Variants in TPD52L1 observed in about 807,000 individuals in gnomAD.
TPD52L1 encodes TPD52 like 1.
TPD52L1 carries 18 observed loss-of-function variants against 28.7 expected under a neutral mutation model. The observed-to-expected ratio is 0.63, with a 90% CI of 0.43 to 0.93. The LOEUF (loss-of-function observed/expected upper bound fraction) is 0.93. Ranked by LOEUF, TPD52L1 falls within the 40% of genes least tolerant of loss-of-function variation. The pLI is 0.00. For missense variants in TPD52L1, 203 were observed against 254.8 expected (o/e 0.80, Z 1.39); for synonymous variants, 75 against 88.8 (o/e 0.84, Z 0.88).
rs116465448 is a variant in TPD52L1, at chr6:125,264,187, G to T, written c.*1225G>T. The T allele has an allele frequency of 1.3e-5, 2 of 151,818 alleles. No homozygotes were observed. The highest frequency in any genetic ancestry group is 4.8e-5 in the African/African-American group (2 of 41,262). The allele number at this position is 151,818 out of a possible 1,614,324, so 9.4% of individuals were successfully genotyped here. ...GTATCTCTTTTCTTTTTCTAAATGG[G>T]AACATATATTTGTTATTAGGTGGCA... On this transcript the variant is annotated 3_prime_UTR_variant, in exon 7 of 7. Transcript: ENST00000534000.
chr6:125,175,188 T>C lies in TPD52L1; in HGVS notation c.19+21218T>C, dbSNP rs1013997299. On this transcript the variant is annotated intron_variant, in intron 1 of 6. Transcript: ENST00000534000. ...TGTTTTCTTTATTGCCGTATCCCCATATCTAAAACAATGACTGTTCATGGA... is the reference window on the plus strand; with the variant it reads ...TGTTTTCTTTATTGCCGTATCCCCACATCTAAAACAATGACTGTTCATGGA... Among the ~76,000 whole-genome samples the C allele has an allele frequency of 6.6e-5, 10 of 152,240 alleles. No homozygotes were observed. In the South Asian group the frequency reaches 1.9e-3, roughly 28 times the overall value.
chr6:125,200,751 A>G (rs1369363671), intron 1 of TPD52L1, among the ~76,000 whole-genome samples: 2 of 152,216 alleles, frequency 1.3e-5, no homozygotes, highest in African/African-American at 4.8e-5. Flanking sequence ...ACAATATACA[A>G]TGAAAATTCC....
chr6:125,164,184 A>G (rs1306739958), intron 1 of TPD52L1, among the ~76,000 whole-genome samples: 1 of 152,078 alleles, frequency 6.6e-6, no homozygotes, highest in African/African-American at 2.4e-5. Flanking sequence ...GTTTTGCTTT[A>G]TTTTCTATAT....
intron 3 of TPD52L1, among the ~76,000 whole-genome samples, chr6:125,242,852 T>C (rs868152844): frequency 6.6e-6 from 1 of 152,052 alleles, no homozygotes; most frequent in African/African-American, 2.4e-5. Flanking sequence ...GCCTAAATAC[T>C]GTTTTGTTTT....
chr6:125,208,815 G>A (rs1794327417), intron 1 of TPD52L1: 1 of 651,854 alleles, frequency 1.5e-6, no homozygotes, highest in Non-Finnish European at 1.9e-6. Flanking sequence ...GCCAGGTGCT[G>A]AGAGAGTGCT....
intron 1 of TPD52L1, among the ~76,000 whole-genome samples, chr6:125,180,641 G>C (rs17052792): frequency 0.012 from 1,895 of 152,000 alleles, 39 homozygotes; most frequent in African/African-American, 0.043. Context: ...TTTCTTGATA[G>C]AGGACGTAAA....
At chr6:125,249,368 T>C (rs1583014094) in intron 4 of TPD52L1, among the ~76,000 whole-genome samples, 1 of 151,902 alleles carries the variant, frequency 6.6e-6, no homozygotes, top group East Asian at 1.9e-4. Context: ...CTTAAACTGT[T>C]ACTTTTTTAT....
chr6:125,164,711 TAACTACTTTAAGAAA>T (rs1790762624), intron 1 of TPD52L1, among the ~76,000 whole-genome samples: 1 of 151,984 alleles, frequency 6.6e-6, no homozygotes, highest in Admixed American at 6.6e-5. Flanking sequence ...ACTAGCAGAA[TAACTACTTTAAGAAA>T]ATACCTAGTA....
intron 1 of TPD52L1, among the ~76,000 whole-genome samples, chr6:125,216,455 C>T (rs996760007): frequency 1.0e-4 from 15 of 148,640 alleles, no homozygotes; most frequent in Non-Finnish European, 1.8e-4. Context: ...TGTGTCTTTA[C>T]ACACGAAAAG....
chr6:125,233,078 A>G (rs1010675029), intron 3 of TPD52L1, among the ~76,000 whole-genome samples: 1 of 152,166 alleles, frequency 6.6e-6, no homozygotes, highest in Non-Finnish European at 1.5e-5. Flanking sequence ...CATGTATTCA[A>G]CAAGTATTCT....
At chr6:125,169,850 A>G (rs1297342913) in intron 1 of TPD52L1, among the ~76,000 whole-genome samples, 1 of 152,082 alleles carries the variant, frequency 6.6e-6, no homozygotes, top group Non-Finnish European at 1.5e-5. Context: ...ATTCACACAG[A>G]ATAAAGGGCA....
intron 1 of TPD52L1, among the ~76,000 whole-genome samples, chr6:125,187,928 A>AT (rs35969302): frequency 0.18 from 26,535 of 147,234 alleles, 2,833 homozygotes; most frequent in Admixed American, 0.34. Context: ...CTAAACTGAG[A>AT]TTTTTTTTTT....
chr6:125,249,691 CAAAA>C (rs11431442), intron 4 of TPD52L1, among the ~76,000 whole-genome samples: 2 of 75,204 alleles, frequency 2.7e-5, no homozygotes, highest in East Asian at 3.5e-4. Context: ...GACTCTGTCT[CAAAA>C]AAAAAAAAAA....
chr6:125,251,924 G>A (rs1797294861), intron 4 of TPD52L1: 4 of 1,246,450 alleles, frequency 3.2e-6, no homozygotes, highest in Non-Finnish European at 3.4e-6. Flanking sequence ...GTGCTCTGGG[G>A]CCCTTGAAAG....
At chr6:125,232,386 A>G (rs1796005546) in intron 3 of TPD52L1, among the ~76,000 whole-genome samples, 1 of 152,162 alleles carries the variant, frequency 6.6e-6, no homozygotes, top group African/African-American at 2.4e-5. Flanking sequence ...GAGGAGCGAT[A>G]AAATCTGTAT....
chr6:125,215,795 C>A (rs1374852622), intron 1 of TPD52L1, among the ~76,000 whole-genome samples: 1 of 152,118 alleles, frequency 6.6e-6, no homozygotes, highest in Non-Finnish European at 1.5e-5. Flanking sequence ...TTTGAACTTT[C>A]TTTTCTTACT....
At chr6:125,240,671 A>C (rs1796564959) in intron 3 of TPD52L1, among the ~76,000 whole-genome samples, 1 of 151,416 alleles carries the variant, frequency 6.6e-6, no homozygotes. Flanking sequence ...GTGTACATTG[A>C]TTTTGTATCC....
intron 1 of TPD52L1, among the ~76,000 whole-genome samples, chr6:125,177,967 ATTCTCT>A (rs1791924088): frequency 6.6e-6 from 1 of 152,216 alleles, no homozygotes; most frequent in African/African-American, 2.4e-5. Flanking sequence ...GAATCTAAAA[ATTCTCT>A]TTAGCTGTTT....
chr6:125,160,056 T>A (rs1790417653), intron 1 of TPD52L1, among the ~76,000 whole-genome samples: 1 of 152,156 alleles, frequency 6.6e-6, no homozygotes, highest in South Asian at 2.1e-4. Context: ...GAGATGTGCC[T>A]TCCATCATGA....
Sources: gnomAD v4.1 joint callset for allele counts (sites outside exome capture counted in the v4.1 genomes callset) on GRCh38, gnomAD v4.1.1 for gene constraint, MANE v1.5 for transcripts, NCBI Gene and HGNC (gene_info 2026-07-23, HGNC 2026-07-21) for gene names.